The following DPYSL3 variants were observed in gnomAD, a reference collection of about 807,000 sequenced individuals.
DPYSL3 encodes the protein dihydropyrimidinase like 3.
DPYSL3 carries 16 observed loss-of-function variants against 66.1 expected under a neutral mutation model. The ratio of observed to expected loss-of-function variants is 0.24; its 90% CI spans 0.16 to 0.37. The LOEUF (loss-of-function observed/expected upper bound fraction) is 0.37, where lower values mean the gene tolerates loss of function less well. Ranked by LOEUF, DPYSL3 falls within the 10% of genes least tolerant of loss-of-function variation. DPYSL3 has a pLI of 1.00. For synonymous variants in DPYSL3, 338 were observed against 345.1 expected (o/e 0.98, Z 0.23); for missense variants, 738 against 916.2 (o/e 0.81, Z 2.51).
chr5:147,410,330 T>C (rs568485379), intron 6 of DPYSL3, among the ~76,000 whole-genome samples: 1 of 152,332 alleles, frequency 6.6e-6, no homozygotes, highest in South Asian at 2.1e-4. Flanking sequence ...CTACTGACTT[T>C]TCCTAATTCC....
chr5:147,402,429 G>C (rs1462951121), intron 8 of DPYSL3, among the ~76,000 whole-genome samples: 3 of 133,222 alleles, frequency 2.3e-5, no homozygotes, highest in African/African-American at 1.2e-4. Flanking sequence ...CTCACTGCAA[G>C]CTCCGCCTCC....
In DPYSL3 at chr5:147,405,618, C is replaced by T; in HGVS notation, c.1145G>A (p.Arg382Lys). 6.2e-7 allele frequency: 1 copy of T among 1,608,928 alleles called. No individual in the cohort carries two copies. The highest frequency in any genetic ancestry group is 1.7e-5 in the Admixed American group (1 of 58,772). ...KSAADLISQA[R>K]KKGNVVFGEP... Reference sequence around the variant, plus strand: ...TTGGAAACACAAATCACCTTTTTTCCTGGCTTGTGAGATGAGGTCAGCTGC... The same window carrying T: ...TTGGAAACACAAATCACCTTTTTTCTTGGCTTGTGAGATGAGGTCAGCTGC... Residue 382 changes from arginine (R) to lysine (K), a missense_variant, in exon 8 of 14, where the codon AGG becomes AAG. Physicochemically the swap from Arg to Lys is conservative, Grantham distance 26. Coordinates refer to ENST00000343218, the MANE Select transcript of DPYSL3 (RefSeq NM_001197294.2).
chr5:147,494,492 GA>G (rs775934252), intron 1 of DPYSL3, among the ~76,000 whole-genome samples: 1 of 151,160 alleles, frequency 6.6e-6, no homozygotes, highest in African/African-American at 2.4e-5. Flanking sequence ...GGCTAACAAA[GA>G]AAAAAAGAGA....
In DPYSL3 at chr5:147,496,391, A is replaced by T. The variant is rs1299157321; in HGVS notation, c.381+13087T>A. Among the ~76,000 whole-genome samples the T allele has an allele frequency of 1.6e-4, 25 of 152,256 alleles. 1 individual carries two copies. Among genetic ancestry groups the T allele is most frequent in the East Asian group, 5.8e-4 (3 of 5,168 alleles). Reference sequence around the variant, plus strand: ...AAGCAATGGCAACAAAAGACAAAATAGACAAATGGGATCTAATTAAACTAA... The same window carrying T: ...AAGCAATGGCAACAAAAGACAAAATTGACAAATGGGATCTAATTAAACTAA... On this transcript the variant is annotated intron_variant, in intron 1 of 13. Transcript: ENST00000343218.
chr5:147,507,352 T>C (rs1346328916), intron 1 of DPYSL3, among the ~76,000 whole-genome samples: 1 of 152,158 alleles, frequency 6.6e-6, no homozygotes, highest in African/African-American at 2.4e-5. Flanking sequence ...ATTTTTTTTT[T>C]TTTTTAAGTA....
intron 1 of DPYSL3, among the ~76,000 whole-genome samples, chr5:147,496,595 G>A (rs1581218864): frequency 6.6e-6 from 1 of 152,176 alleles, no homozygotes; most frequent in East Asian, 1.9e-4. Flanking sequence ...TGAAGGATAT[G>A]AACAGACATT....
At chr5:147,467,967 C>G (rs1457014492) in intron 1 of DPYSL3, among the ~76,000 whole-genome samples, 1 of 152,148 alleles carries the variant, frequency 6.6e-6, no homozygotes, top group East Asian at 1.9e-4. Flanking sequence ...AGGGCACTAA[C>G]TGCATTCGTG....
At chr5:147,399,310 G>A in intron 10 of DPYSL3, 58 bp from the exon 11 acceptor site, 1 of 1,527,996 alleles carries the variant, frequency 6.5e-7, no homozygotes, top group Non-Finnish European at 8.8e-7. Context: ...TCAATTCAGG[G>A]CTTCTGAACT....
At chr5:147,497,993 G>C (rs575300134) in intron 1 of DPYSL3, among the ~76,000 whole-genome samples, 2 of 150,232 alleles carry the variant, frequency 1.3e-5, no homozygotes, top group Admixed American at 6.7e-5. Flanking sequence ...CTGTTACATA[G>C]GTAAACTTGT....
chr5:147,401,956 A>G (rs1280581549), intron 8 of DPYSL3: 1 of 351,640 alleles, frequency 2.8e-6, no homozygotes, highest in African/African-American at 2.5e-5. Context: ...GCAAATTAAA[A>G]TTTGAGGCAA....
At position 147,478,910 on chromosome 5, in the gene DPYSL3, A is replaced by T. The variant is rs146874421; in HGVS notation, c.381+30568T>A. The stretch of plus-strand genomic sequence containing the variant: ...GTCTCCCCAAACTGTCAGCACCCTG[A>T]AGACAAAAACTTTATTCCATTTCCA... On this transcript the variant is annotated intron_variant, in intron 1 of 13. Transcript: ENST00000343218. Among the ~76,000 whole-genome samples the T allele has an allele frequency of 9.2e-3, 1,398 of 152,282 alleles. 12 individuals are homozygous for T. Among genetic ancestry groups the T allele is most frequent in the Middle Eastern group, 0.02 (6 of 294 alleles).
In DPYSL3 at chr5:147,402,636, C is replaced by G. The variant is rs1231065232; in HGVS notation, c.1154-940G>C. Among the ~76,000 whole-genome samples, 4 of 134,972 alleles carry G rather than the reference C, an allele frequency of 3.0e-5. 1 individual carries two copies. Among genetic ancestry groups the G allele is most frequent in the African/African-American group, 7.6e-5 (2 of 26,152 alleles). The allele number at this position is 134,972 out of a possible 152,430, so 88.5% of individuals were successfully genotyped here. ...TGCTGGGATTACAGGCGTGAGCCAC[C>G]GCGCCCGGCCTATGACTTTTTTTTT... is the stretch of plus-strand genomic sequence containing the variant. On this transcript the variant is annotated intron_variant, in intron 8 of 13. Transcript: ENST00000343218.
intron 1 of DPYSL3, among the ~76,000 whole-genome samples, chr5:147,491,149 G>C (rs951110754): frequency 2.6e-5 from 4 of 152,126 alleles, no homozygotes; most frequent in Non-Finnish European, 4.4e-5. Context: ...CCTTCAGTAG[G>C]GGAAGGAAAA....
intron 1 of DPYSL3, among the ~76,000 whole-genome samples, chr5:147,428,957 TTAAAA>T (rs764358193): frequency 8.8e-4 from 134 of 152,172 alleles, no homozygotes; most frequent in Non-Finnish European, 1.3e-3. Context: ...ATCCCAGAAC[TTAAAA>T]TAAAATAAAA....
chr5:147,487,945 G>T (rs1581215580), intron 1 of DPYSL3, among the ~76,000 whole-genome samples: 1 of 152,114 alleles, frequency 6.6e-6, no homozygotes, highest in East Asian at 1.9e-4. Flanking sequence ...ACACTCCCTG[G>T]GTGGTATATA....
chr5:147,415,649 G>A (rs550459759), intron 4 of DPYSL3, 60 bp downstream of exon 4: 70 of 1,579,180 alleles, frequency 4.4e-5, no homozygotes, highest in Non-Finnish European at 5.7e-5. Flanking sequence ...AGTGGATGGT[G>A]TTGGAAGGAC....
chr5:147,461,959 T>C (rs926359744), intron 1 of DPYSL3, among the ~76,000 whole-genome samples: 4 of 151,844 alleles, frequency 2.6e-5, no homozygotes, highest in Admixed American at 2.0e-4. Flanking sequence ...AGATAGAGAG[T>C]AAATCAAAAA....
At chr5:147,407,202 C>G (rs955620516) in intron 7 of DPYSL3, among the ~76,000 whole-genome samples, 12 of 152,170 alleles carry the variant, frequency 7.9e-5, no homozygotes, top group Non-Finnish European at 1.8e-4. Flanking sequence ...CCTTTGATCT[C>G]ATTCCTCCCA....
chr5:147,462,507 G>A (rs1415804173), intron 1 of DPYSL3, among the ~76,000 whole-genome samples: 1 of 152,076 alleles, frequency 6.6e-6, no homozygotes, highest in African/African-American at 2.4e-5. Context: ...AAGATTCAGG[G>A]GCCTGATATC....
Sources: gnomAD v4.1 joint callset for allele counts (sites outside exome capture counted in the v4.1 genomes callset) on GRCh38, gnomAD v4.1.1 for gene constraint, MANE v1.5 for transcripts, NCBI Gene and HGNC (gene_info 2026-07-23, HGNC 2026-07-21) for gene names.